LRMDA: variants seen among roughly 807,000 people sequenced by gnomAD.
The protein encoded by LRMDA is leucine rich melanocyte differentiation associated, also known as leucine-rich melanocyte differentiation-associated protein.
In LRMDA, 18 loss-of-function variants were observed where a neutral mutation model predicts 29.8. That is an observed-to-expected ratio of 0.60 (90% CI 0.42 to 0.90). LRMDA has a LOEUF of 0.90. Ranked by LOEUF, LRMDA falls within the 40% of genes least tolerant of loss-of-function variation. LRMDA has a pLI of 0.00. For synonymous variants in LRMDA, 125 were observed against 109.4 expected (o/e 1.14, Z -0.89); for missense variants, 273 against 273.9 (o/e 1.00, Z 0.02).
At chr10:76,014,148 A>ATT (rs1564630544) in intron 2 of LRMDA, among the ~76,000 whole-genome samples, 1 of 140,360 alleles carries the variant, frequency 7.1e-6, no homozygotes, top group Non-Finnish European at 1.5e-5. Flanking sequence ...ATATATAATT[A>ATT]TATATATATA....
At chr10:76,084,558 T>C (rs12260286) in intron 5 of LRMDA, among the ~76,000 whole-genome samples, 65,169 of 151,512 alleles carry the variant, frequency 0.43, 14,540 homozygotes, top group African/African-American at 0.47. Flanking sequence ...GTTCAAGTCA[T>C]AGTTTTCAAT....
chr10:75,947,959 G>A (rs1049352723), intron 2 of LRMDA, among the ~76,000 whole-genome samples: 1 of 152,190 alleles, frequency 6.6e-6, no homozygotes, highest in Non-Finnish European at 1.5e-5. Flanking sequence ...GTTGAGGGCA[G>A]TGATATTATT....
intron 6 of LRMDA, among the ~76,000 whole-genome samples, chr10:76,386,533 ATTT>A (rs1841661741): frequency 1.3e-5 from 2 of 152,100 alleles, no homozygotes; most frequent in Non-Finnish European, 2.9e-5. Context: ...TTTCAGTTTT[ATTT>A]GTCAGCCTTG....
At chr10:76,392,989 A>G (rs187483394) in intron 6 of LRMDA, among the ~76,000 whole-genome samples, 294 of 152,276 alleles carry the variant, frequency 1.9e-3, no homozygotes, top group Non-Finnish European at 2.8e-3. Flanking sequence ...CTCCAGGTTC[A>G]TCCATGTTGT....
chr10:76,303,024 A>G (rs566652277), intron 5 of LRMDA, among the ~76,000 whole-genome samples: 21 of 152,288 alleles, frequency 1.4e-4, no homozygotes, highest in African/African-American at 4.1e-4. Flanking sequence ...AGAAAAAAGC[A>G]TTTCTTCCAG....
intron 2 of LRMDA, among the ~76,000 whole-genome samples, chr10:75,440,751 A>G (rs1481480585): frequency 1.3e-5 from 2 of 152,196 alleles, no homozygotes; most frequent in Non-Finnish European, 2.9e-5. Context: ...AAGAATAAGC[A>G]GAGGCCGGAC....
chr10:76,037,012 C>G (rs905370494), intron 3 of LRMDA, among the ~76,000 whole-genome samples: 2 of 152,204 alleles, frequency 1.3e-5, no homozygotes, highest in South Asian at 4.1e-4. Context: ...TTATCATTAG[C>G]TATTCCTTAT....
intron 5 of LRMDA, among the ~76,000 whole-genome samples, chr10:76,261,064 CTTTT>C (rs58554883): frequency 1.7e-5 from 2 of 117,710 alleles, no homozygotes; most frequent in East Asian, 2.5e-4. Context: ...CTTTTCTTTT[CTTTT>C]TTTTTTTTTT....
At chr10:76,515,168 G>C (rs1223626045) in intron 6 of LRMDA, among the ~76,000 whole-genome samples, 1 of 152,126 alleles carries the variant, frequency 6.6e-6, no homozygotes, top group Non-Finnish European at 1.5e-5. Flanking sequence ...CTTCTGTTCT[G>C]TGTGGCCACT....
intron 6 of LRMDA, among the ~76,000 whole-genome samples, chr10:76,414,993 T>C (rs1045781500): frequency 6.6e-6 from 1 of 152,374 alleles, no homozygotes; most frequent in African/African-American, 2.4e-5. Flanking sequence ...GCTGAGGGTC[T>C]GAAGAAATCC....
intron 6 of LRMDA, among the ~76,000 whole-genome samples, chr10:76,407,129 C>T (rs1486276852): frequency 1.3e-5 from 2 of 152,106 alleles, no homozygotes; most frequent in African/African-American, 2.4e-5. Flanking sequence ...AGAGATGTGG[C>T]AGCTGAAGGG....
At chr10:76,032,313 G>A (rs1848163446) in intron 2 of LRMDA, among the ~76,000 whole-genome samples, 1 of 152,206 alleles carries the variant, frequency 6.6e-6, no homozygotes, top group African/African-American at 2.4e-5. Flanking sequence ...CCAGCCACTG[G>A]CCTGGCCTGG....
intron 6 of LRMDA, among the ~76,000 whole-genome samples, chr10:76,471,159 G>A (rs1199469043): frequency 1.3e-5 from 2 of 151,126 alleles, no homozygotes; most frequent in African/African-American, 4.9e-5. Context: ...AATAGAAAGG[G>A]AAATATAACA....
Position 75,619,990 on chromosome 10 carries a change from G to A in LRMDA, c.131+181496G>A, listed in dbSNP as rs367883276. ...GCTTGGTCCTAAAAGCATTAGCCCA[G>A]CTTTCCTACCATGTTGTGTCATCCA... is the stretch of plus-strand genomic sequence containing the variant. On this transcript the variant is annotated intron_variant, in intron 2 of 6. Transcript: ENST00000611255. Among the ~76,000 whole-genome samples, 16 of 152,292 alleles carry A rather than the reference G, an allele frequency of 1.1e-4. No individual in the cohort carries two copies. In the East Asian group the frequency reaches 3.1e-3, roughly 29 times the overall value.
In LRMDA at chr10:75,709,369, C is replaced by T. The variant is rs142853257; in HGVS notation, c.131+270875C>T. On this transcript the variant is annotated intron_variant, in intron 2 of 6. Transcript: ENST00000611255. ...GCATAAGTGTGTGTGTCTGTGTGTG[C>T]GTGCATGCGTATGTGTGCCTGTGTG... 7.3e-3 allele frequency among the ~76,000 whole-genome samples: 1,099 copies of T among 151,070 alleles called. 17 individuals carry two copies. The highest frequency in any genetic ancestry group is 0.025 in the African/African-American group (1,042 of 41,146).
At chr10:75,860,112 TAGA>T (rs964004457) in intron 2 of LRMDA, among the ~76,000 whole-genome samples, 4 of 152,082 alleles carry the variant, frequency 2.6e-5, no homozygotes, top group African/African-American at 9.7e-5. Flanking sequence ...TGTTTGCTAT[TAGA>T]AGTATTAAAA....
chr10:75,590,671 TA>T (rs1309684389), intron 2 of LRMDA, among the ~76,000 whole-genome samples: 2 of 150,700 alleles, frequency 1.3e-5, no homozygotes, highest in African/African-American at 4.9e-5. Flanking sequence ...ATGCCTTAAA[TA>T]TTTTTTTTAA....
At chr10:76,141,154 C>G (rs1003495353) in intron 5 of LRMDA, among the ~76,000 whole-genome samples, 6 of 152,062 alleles carry the variant, frequency 3.9e-5, no homozygotes, top group Non-Finnish European at 7.4e-5. Flanking sequence ...CAGGCTCAAA[C>G]TTTCAGAAGA....
intron 2 of LRMDA, among the ~76,000 whole-genome samples, chr10:75,859,250 T>C (rs1844878025): frequency 6.6e-6 from 1 of 152,204 alleles, no homozygotes; most frequent in Non-Finnish European, 1.5e-5. Flanking sequence ...TGCTTAATCA[T>C]AGGGTTTGCA....
Sources: gnomAD v4.1 joint callset for allele counts (sites outside exome capture counted in the v4.1 genomes callset) on GRCh38, gnomAD v4.1.1 for gene constraint, MANE v1.5 for transcripts, NCBI Gene and HGNC (gene_info 2026-07-23, HGNC 2026-07-21) for gene names.